CDH13: variants seen among roughly 807,000 people sequenced by gnomAD.
CDH13 encodes the protein cadherin-13.
A neutral mutation model predicts 63.8 loss-of-function variants in CDH13; 24 were observed. The observed-to-expected ratio is 0.38, with a 90% CI of 0.27 to 0.53. The LOEUF is 0.53. CDH13 is among the 20% of genes least tolerant of loss of function. The probability of loss-of-function intolerance (pLI) is 0.85; values close to 1 mark genes in which losing one functional copy is unlikely to be tolerated. For synonymous variants in CDH13, 503 were observed against 355.3 expected, an observed-to-expected ratio of 1.42 and a Z score of -4.67; for missense variants, 1,049 against 903.1, an observed-to-expected ratio of 1.16 and a Z score of -2.07.
chr16:83,118,783 C>G (rs548653703), intron 3 of CDH13, among the ~76,000 whole-genome samples: 1 of 152,114 alleles, frequency 6.6e-6, no homozygotes, highest in African/African-American at 2.4e-5. Flanking sequence ...TGTCCTGTCT[C>G]GAGGGGAGCA....
intron 1 of CDH13, among the ~76,000 whole-genome samples, chr16:82,788,658 C>G (rs1416608884): frequency 6.6e-6 from 1 of 152,208 alleles, no homozygotes; most frequent in Non-Finnish European, 1.5e-5. Flanking sequence ...ATAGGCCTAA[C>G]AGCCAGCATT....
intron 1 of CDH13, among the ~76,000 whole-genome samples, chr16:82,654,765 G>A (rs976789636): frequency 6.6e-6 from 1 of 151,942 alleles, no homozygotes; most frequent in Non-Finnish European, 1.5e-5. Context: ...AGAAGAGGTG[G>A]GTACAGAAAG....
At chr16:83,088,579 CT>C (rs1481601168) in intron 3 of CDH13, among the ~76,000 whole-genome samples, 1 of 152,118 alleles carries the variant, frequency 6.6e-6, no homozygotes, top group Non-Finnish European at 1.5e-5. Context: ...GCCTGGGCCC[CT>C]GTCCTATAAA....
At chr16:82,966,582 A>T (rs1907869507) in intron 2 of CDH13, among the ~76,000 whole-genome samples, 1 of 152,216 alleles carries the variant, frequency 6.6e-6, no homozygotes, top group East Asian at 1.9e-4. Context: ...TTTGTTCTGG[A>T]AATCTGTCTT....
chr16:83,487,302 A>C (rs2073911987), intron 7 of CDH13, among the ~76,000 whole-genome samples: 1 of 152,050 alleles, frequency 6.6e-6, no homozygotes, highest in Admixed American at 6.5e-5. Flanking sequence ...AAATATTTAG[A>C]TTTCACGTTT....
At chr16:82,722,230 G>C (rs1309435201) in intron 1 of CDH13, among the ~76,000 whole-genome samples, 4 of 152,180 alleles carry the variant, frequency 2.6e-5, no homozygotes, top group Non-Finnish European at 5.9e-5. Context: ...TAACTGAAAA[G>C]GTCCAGGGAG....
At chr16:83,308,137 T>A (rs2089920873) in intron 5 of CDH13, among the ~76,000 whole-genome samples, 1 of 152,344 alleles carries the variant, frequency 6.6e-6, no homozygotes, top group Non-Finnish European at 1.5e-5. Context: ...CACATTTTTA[T>A]ATTTCATTAC....
chr16:83,121,603 A>T (rs1463353571), intron 3 of CDH13, among the ~76,000 whole-genome samples: 2 of 152,216 alleles, frequency 1.3e-5, no homozygotes, highest in Non-Finnish European at 2.9e-5. Flanking sequence ...ATAGCCTAGG[A>T]GTATTGCCTA....
chr16:83,270,226 G>A (rs1196617698), intron 5 of CDH13, among the ~76,000 whole-genome samples: 3 of 152,122 alleles, frequency 2.0e-5, no homozygotes, highest in Admixed American at 6.5e-5. Flanking sequence ...TATAACACGA[G>A]TGTTTGATGA....
At chr16:83,783,224 C>T (rs771841859) in intron 12 of CDH13, 30 bp from the exon 13 acceptor site, 2 of 1,515,182 alleles carry the variant, frequency 1.3e-6, no homozygotes, top group Non-Finnish European at 1.8e-6. Flanking sequence ...GTCTCATCCA[C>T]TCTCACCAGA....
intron 3 of CDH13, 99 bp from the exon 4 acceptor site, chr16:83,125,286 C>G: frequency 1.5e-6 from 1 of 684,730 alleles, no homozygotes; most frequent in Non-Finnish European, 2.6e-6. Flanking sequence ...ACTTTCCAAA[C>G]AGCTGTATGC....
intron 6 of CDH13, among the ~76,000 whole-genome samples, chr16:83,374,938 A>G (rs936691699): frequency 1.3e-5 from 2 of 152,214 alleles, no homozygotes; most frequent in African/African-American, 4.8e-5. Flanking sequence ...TGAAGTGCAA[A>G]GGGTTTGAGT....
intron 6 of CDH13, among the ~76,000 whole-genome samples, chr16:83,378,430 A>G (rs1472201746): frequency 6.6e-6 from 1 of 152,156 alleles, no homozygotes; most frequent in Non-Finnish European, 1.5e-5. Context: ...TCATCGGGAC[A>G]TTATTATGTT....
intron 8 of CDH13, among the ~76,000 whole-genome samples, chr16:83,603,717 C>A (rs901357979): frequency 6.6e-6 from 1 of 152,162 alleles, no homozygotes; most frequent in African/African-American, 2.4e-5. Context: ...TCTCAACCCC[C>A]GAGTTCCCCA....
intron 1 of CDH13, among the ~76,000 whole-genome samples, chr16:82,846,746 AG>A (rs1182995841): frequency 2.6e-5 from 4 of 152,190 alleles, no homozygotes; most frequent in African/African-American, 4.8e-5. Flanking sequence ...TTCCATCTCT[AG>A]TATCTAGGCC....
At chr16:83,463,987 G>A (rs544609574) in intron 6 of CDH13, among the ~76,000 whole-genome samples, 1 of 152,268 alleles carries the variant, frequency 6.6e-6, no homozygotes, top group Middle Eastern at 3.4e-3. Context: ...AGGAGAAGGG[G>A]GTCGTCTGGA....
At chr16:83,141,915 A>G (rs769718842) in intron 4 of CDH13, among the ~76,000 whole-genome samples, 7 of 151,670 alleles carry the variant, frequency 4.6e-5, no homozygotes, top group South Asian at 2.1e-4. Flanking sequence ...TCAACTAGCA[A>G]CTCCCCCATG....
intron 4 of CDH13, among the ~76,000 whole-genome samples, chr16:83,127,526 T>A (rs952342373): frequency 1.3e-5 from 2 of 152,074 alleles, no homozygotes; most frequent in African/African-American, 4.8e-5. Context: ...GGTCAGGAGT[T>A]CAAGACCATC....
chr16:82,900,558 T>C (rs1287241966), intron 2 of CDH13, among the ~76,000 whole-genome samples: 4 of 152,218 alleles, frequency 2.6e-5, no homozygotes, highest in African/African-American at 9.6e-5. Context: ...TTTTGTTATT[T>C]TCCCCGAATA....
Sources: allele counts gnomAD v4.1 joint callset (sites outside exome capture counted in the v4.1 genomes callset), GRCh38; gene constraint gnomAD v4.1.1; transcripts MANE v1.5; gene names NCBI Gene and HGNC (gene_info 2026-07-23, HGNC 2026-07-21).